Variants in CFAP58 observed in about 807,000 individuals in gnomAD.
CFAP58 encodes the protein cilia and flagella associated protein 58, also known as cilia- and flagella-associated protein 58.
Under a neutral mutation model 119.5 loss-of-function variants are expected in CFAP58, and 88 were observed. The observed-to-expected ratio is 0.74, with a 90% CI of 0.62 to 0.88. The LOEUF (loss-of-function observed/expected upper bound fraction) is 0.88. Among genes scored for constraint, CFAP58 ranks in the 40% least tolerant of loss-of-function variants. CFAP58 has a pLI of 0.00. For synonymous variants in CFAP58, 365 were observed against 366.3 expected, an observed-to-expected ratio of 1.00 and a Z score of 0.04; for missense variants, 990 against 1,021.2, an observed-to-expected ratio of 0.97 and a Z score of 0.42.
At chr10:104,404,094 A>C (rs1159770984) in intron 14 of CFAP58, among the ~76,000 whole-genome samples, 2 of 152,206 alleles carry the variant, frequency 1.3e-5, no homozygotes, top group Non-Finnish European at 2.9e-5. Flanking sequence ...AACCTGCCTC[A>C]CCAATTGACA....
chr10:104,401,532 G>C (rs1161668313), intron 13 of CFAP58, among the ~76,000 whole-genome samples: 1 of 152,132 alleles, frequency 6.6e-6, no homozygotes, highest in African/African-American at 2.4e-5. Flanking sequence ...GTTTTATATA[G>C]GCAATTGCAG....
chr10:104,362,266 T>A, intron 3 of CFAP58, 95 bp downstream of exon 3: 1 of 1,056,518 alleles, frequency 9.5e-7, no homozygotes, highest in African/African-American at 1.6e-5. Context: ...TCTTGAACAT[T>A]GTCTGTGATA....
intron 15 of CFAP58, among the ~76,000 whole-genome samples, chr10:104,442,711 A>T (rs2013058387): frequency 6.6e-6 from 1 of 152,168 alleles, no homozygotes; most frequent in Non-Finnish European, 1.5e-5. Context: ...CTTATGAATT[A>T]AAAAAATGTT....
intron 15 of CFAP58, among the ~76,000 whole-genome samples, chr10:104,419,200 A>G (rs1290659830): frequency 6.6e-6 from 1 of 152,182 alleles, no homozygotes; most frequent in African/African-American, 2.4e-5. Context: ...TTCAGAAAAC[A>G]GAATGCCAAT....
rs940017676 is a variant in CFAP58 at position 104,368,351 on chromosome 10, G to C, written c.793-72G>C. ...GTTATCTTCCCAGGAGGTTTGTGGG[G>C]CCCCCTGTGTGTATATCCAACTATT... On this transcript the variant is annotated intron_variant, in intron 5 of 17. Transcript: ENST00000369704. 3.4e-6 allele frequency: 5 copies of C among 1,492,002 alleles called. No homozygotes were observed. In the African/African-American group the frequency reaches 4.2e-5, roughly 13 times the overall value. 92.4% of individuals were successfully genotyped at this position (1,492,002 alleles called of 1,614,324 possible). A position where few individuals can be genotyped will look rare whatever the true frequency, so the allele number is the denominator to read the frequency against.
intron 2 of CFAP58, among the ~76,000 whole-genome samples, 181 bp from the exon 3 acceptor site, chr10:104,361,842 C>G (rs530264635): frequency 4.6e-5 from 7 of 152,214 alleles, no homozygotes; most frequent in Non-Finnish European, 7.3e-5. Context: ...TGTACCACCA[C>G]GTCCAGTCCA....
chr10:104,350,477 C>A (rs1211339040), upstream of CFAP58, among the ~76,000 whole-genome samples: 1 of 152,202 alleles, frequency 6.6e-6, no homozygotes, highest in Non-Finnish European at 1.5e-5. Flanking sequence ...ATATGTCCGA[C>A]CACCCATCCT....
chr10:104,365,944 A>G lies in CFAP58; in HGVS notation c.728A>G (p.Gln243Arg). Reference sequence around the variant, plus strand: ...AGGCAGACAGAAATAAAAGCCCTGCAGCAGTATGTGCAGAAGAGCAAGGAG... The same window carrying G: ...AGGCAGACAGAAATAAAAGCCCTGCGGCAGTATGTGCAGAAGAGCAAGGAG... Reference protein sequence around the residue: ...DSRQTEIKALQQYVQKSKEEL... With the variant: ...DSRQTEIKALRQYVQKSKEEL... The change falls in exon 5 of 18, where the codon CAG becomes CGG. Residue 243 changes from glutamine to arginine, a missense_variant. Transcript: ENST00000369704. 1 of 1,613,556 alleles carries G rather than the reference A, an allele frequency of 6.2e-7. No individual in the cohort carries two copies. Among genetic ancestry groups the G allele is most frequent in the Non-Finnish European group, 8.5e-7 (1 of 1,179,726 alleles).
At chr10:104,422,188 G>A (rs1442133432) in intron 15 of CFAP58, among the ~76,000 whole-genome samples, 1 of 151,928 alleles carries the variant, frequency 6.6e-6, no homozygotes, top group Admixed American at 6.6e-5. Flanking sequence ...CATAAAATAG[G>A]ATAAAATAAA....
At chr10:104,395,606 C>T (rs887645370) in intron 11 of CFAP58, among the ~76,000 whole-genome samples, 1 of 152,150 alleles carries the variant, frequency 6.6e-6, no homozygotes, top group African/African-American at 2.4e-5. Flanking sequence ...AAAAATATGA[C>T]AGCTCAAATG....
chr10:104,356,338 C>A (rs185120185), intron 1 of CFAP58, among the ~76,000 whole-genome samples: 1 of 152,228 alleles, frequency 6.6e-6, no homozygotes, highest in Admixed American at 6.5e-5. Context: ...ACGGGCTTGT[C>A]AAAACAGAAG....
intron 8 of CFAP58, among the ~76,000 whole-genome samples, 160 bp from the exon 9 acceptor site, chr10:104,379,869 T>C (rs948659982): frequency 5.3e-5 from 8 of 152,236 alleles, no homozygotes; most frequent in Non-Finnish European, 1.0e-4. Context: ...TGTGCAAAAT[T>C]AGCATAACAA....
chr10:104,365,985 G>T lies in CFAP58; in HGVS notation c.769G>T (p.Glu257Ter). ...QKSKEELQKLEQQLKEQKILN... is the reference protein window; with the variant it reads ...QKSKEELQKL ...GAGCAAGGAGGAGCTTCAGAAGCTGGAGCAGCAGCTGAAGGAGCAGAAGGT... is the reference window on the plus strand; with the variant it reads ...GAGCAAGGAGGAGCTTCAGAAGCTGTAGCAGCAGCTGAAGGAGCAGAAGGT... The change falls in exon 5 of 18, where the codon GAG becomes TAG. Residue 257 changes from glutamate (E) to a stop codon, truncating the protein, a stop_gained. Coordinates refer to ENST00000369704, the MANE Select transcript of CFAP58 (RefSeq NM_001008723.2). LOFTEE classifies it high-confidence loss of function. 6.2e-7 allele frequency: 1 copy of T among 1,604,142 alleles called. No homozygotes were observed. Among genetic ancestry groups the T allele is most frequent in the South Asian group, 1.1e-5 (1 of 89,216 alleles).
At chr10:104,389,616 C>T (rs2011993141) in intron 9 of CFAP58, among the ~76,000 whole-genome samples, 1 of 152,146 alleles carries the variant, frequency 6.6e-6, no homozygotes. Context: ...TGGTTATATC[C>T]ATTCCTTGAT....
At chr10:104,442,386 G>C (rs1388674940) in intron 15 of CFAP58, among the ~76,000 whole-genome samples, 1 of 152,004 alleles carries the variant, frequency 6.6e-6, no homozygotes, top group Non-Finnish European at 1.5e-5. Flanking sequence ...TCAGGAGTTC[G>C]AGACCAGCCT....
intron 15 of CFAP58, among the ~76,000 whole-genome samples, chr10:104,415,538 C>T (rs1039306365): frequency 6.6e-6 from 1 of 152,124 alleles, no homozygotes; most frequent in Non-Finnish European, 1.5e-5. Context: ...ACCCATGCGC[C>T]TGAGGTGTAA....
intron 15 of CFAP58, among the ~76,000 whole-genome samples, chr10:104,416,183 A>G (rs577399273): frequency 3.0e-4 from 46 of 152,346 alleles, no homozygotes; most frequent in African/African-American, 1.1e-3. Context: ...GTGATGTATT[A>G]CTAGAAGGGT....
the CFAP58 span, among the ~76,000 whole-genome samples, chr10:104,342,666 CAAAAAAAAA>C: frequency 1.9e-3 from 171 of 90,510 alleles, no homozygotes; most frequent in African/African-American, 5.4e-3. Context: ...CCCGTCTATA[CAAAAAAAAA>C]AAAAAAAAAA....
chr10:104,444,248 T>C (rs959430771), intron 15 of CFAP58, among the ~76,000 whole-genome samples: 7 of 152,238 alleles, frequency 4.6e-5, no homozygotes, highest in African/African-American at 1.4e-4. Flanking sequence ...CTCTTTATGA[T>C]ATTCTTATGA....
Sources: gnomAD v4.1 joint callset for allele counts (sites outside exome capture counted in the v4.1 genomes callset) on GRCh38, gnomAD v4.1.1 for gene constraint, MANE v1.5 for transcripts, NCBI Gene and HGNC (gene_info 2026-07-23, HGNC 2026-07-21) for gene names.